Variants in FILIP1L observed in about 807,000 individuals in gnomAD.
FILIP1L encodes filamin A-interacting protein 1-like.
In FILIP1L, 55 loss-of-function variants were observed where a neutral mutation model predicts 96.6. The observed-to-expected ratio is 0.57, with a 90% CI of 0.46 to 0.71. FILIP1L has a LOEUF of 0.71. Among genes scored for constraint, FILIP1L ranks in the 30% least tolerant of loss-of-function variants. The pLI, the probability that FILIP1L is intolerant of heterozygous loss-of-function variation, is 0.00. For synonymous variants in FILIP1L, 467 were observed against 473.9 expected, an observed-to-expected ratio of 0.99 and a Z score of 0.19; for missense variants, 1,304 against 1,321.2, an observed-to-expected ratio of 0.99 and a Z score of 0.20.
At chr3:99,879,528 C>T (rs1283861197) in intron 4 of FILIP1L, among the ~76,000 whole-genome samples, 1 of 152,122 alleles carries the variant, frequency 6.6e-6, no homozygotes, top group Admixed American at 6.5e-5. Flanking sequence ...GTCTTCTCTC[C>T]CTGCCTTTGT....
intron 1 of FILIP1L, among the ~76,000 whole-genome samples, chr3:100,016,351 A>C (rs371564274): frequency 6.6e-6 from 1 of 152,104 alleles, no homozygotes; most frequent in Non-Finnish European, 1.5e-5. Flanking sequence ...CGCACCACAC[A>C]CAGCTAATTT....
rs140976409 is a variant in FILIP1L, at chr3:99,997,031, C to T, written c.-10-66001G>A. Among the ~76,000 whole-genome samples the T allele has an allele frequency of 3.6e-3, 554 of 152,228 alleles. 2 individuals are homozygous for T. The highest frequency in any genetic ancestry group is 6.8e-3 in the Middle Eastern group (2 of 294). On this transcript the variant is annotated intron_variant, in intron 1 of 5. Transcript: ENST00000477258. ...AATGGAAAGTTTATAGCATTAAATG[C>T]GTACATCAATAAAATATCTGAAATT...
intron 1 of FILIP1L, among the ~76,000 whole-genome samples, chr3:99,995,847 C>T (rs1709662806): frequency 6.6e-6 from 1 of 152,182 alleles, no homozygotes; most frequent in Admixed American, 6.5e-5. Flanking sequence ...GCACCAAGTC[C>T]CTGGGCTGCA....
Position 100,011,602 on chromosome 3 carries a change from A to G in FILIP1L, c.-10-80572T>C, listed in dbSNP as rs1341236090. The G allele has an allele frequency of 2.2e-4, 34 of 152,190 alleles. 1 individual carries two copies. Among genetic ancestry groups the G allele is most frequent in the Admixed American group, 2.2e-3 (33 of 15,266 alleles). The allele number at this position is 152,190 out of a possible 1,614,324, so 9.4% of individuals were successfully genotyped here. ...GCACTTATTGTTGCTGATTGAGAGAAGACTCACAATTCTTGAATATTGGAT... is the reference window on the plus strand; with the variant it reads ...GCACTTATTGTTGCTGATTGAGAGAGGACTCACAATTCTTGAATATTGGAT... On this transcript the variant is annotated intron_variant, in intron 1 of 5. Coordinates refer to ENST00000477258, the MANE Select transcript of FILIP1L (RefSeq NM_001387850.1).
intron 1 of FILIP1L, among the ~76,000 whole-genome samples, chr3:100,096,470 G>A (rs1441407588): frequency 1.3e-5 from 2 of 152,190 alleles, no homozygotes; most frequent in African/African-American, 4.8e-5. Flanking sequence ...CAACATGGAT[G>A]GAACTGGAGG....
At chr3:99,938,021 C>T (rs999974820) in intron 1 of FILIP1L, among the ~76,000 whole-genome samples, 6 of 151,938 alleles carry the variant, frequency 3.9e-5, no homozygotes, top group Non-Finnish European at 4.4e-5. Context: ...AATTTCAGGG[C>T]AGCACTGGTG....
intron 4 of FILIP1L, among the ~76,000 whole-genome samples, chr3:99,906,111 T>C (rs1706607661): frequency 6.6e-6 from 1 of 152,118 alleles, no homozygotes; most frequent in Non-Finnish European, 1.5e-5. Flanking sequence ...GGAGGATCGC[T>C]TGAGCCCAGG....
At chr3:99,981,898 G>A (rs1709135612) in intron 1 of FILIP1L, among the ~76,000 whole-genome samples, 1 of 152,182 alleles carries the variant, frequency 6.6e-6, no homozygotes, top group African/African-American at 2.4e-5. Flanking sequence ...CAGCAAGGCG[G>A]GAGGATCGCT....
At chr3:99,994,682 G>A (rs1402160696) in intron 1 of FILIP1L, among the ~76,000 whole-genome samples, 1 of 152,138 alleles carries the variant, frequency 6.6e-6, no homozygotes, top group African/African-American at 2.4e-5. Context: ...ACATACCTGA[G>A]ACTGGAAAGA....
chr3:99,894,840 T>C (rs182119739), intron 4 of FILIP1L, among the ~76,000 whole-genome samples: 2 of 152,344 alleles, frequency 1.3e-5, no homozygotes, highest in East Asian at 3.9e-4. Context: ...ATTATTACAG[T>C]ACGGAGTAGA....
intron 1 of FILIP1L, among the ~76,000 whole-genome samples, chr3:99,943,305 A>T (rs1707906576): frequency 6.6e-6 from 1 of 152,194 alleles, no homozygotes; most frequent in Non-Finnish European, 1.5e-5. Context: ...GTCAGCCCTG[A>T]CACTTTTTCA....
chr3:100,106,176 T>G (rs762529967), intron 1 of FILIP1L, among the ~76,000 whole-genome samples: 2 of 151,712 alleles, frequency 1.3e-5, no homozygotes, highest in Non-Finnish European at 2.9e-5. Context: ...TCAGAAGAGG[T>G]TGACTTATCA....
intron 1 of FILIP1L, chr3:100,023,185 C>T (rs1256651083): frequency 6.6e-6 from 1 of 151,910 alleles, no homozygotes; most frequent in Non-Finnish European, 1.5e-5. Flanking sequence ...TGTAGATGGA[C>T]GTTGTGTGTA....
chr3:100,028,256 T>C (rs1241881395), intron 1 of FILIP1L, among the ~76,000 whole-genome samples: 1 of 152,186 alleles, frequency 6.6e-6, no homozygotes, highest in African/African-American at 2.4e-5. Context: ...AGCTAAGTAA[T>C]TTGCCTGAAG....
intron 1 of FILIP1L, among the ~76,000 whole-genome samples, chr3:99,938,196 AC>A (rs1243588943): frequency 2.6e-5 from 4 of 152,164 alleles, no homozygotes; most frequent in African/African-American, 9.7e-5. Context: ...GATCATAAAT[AC>A]CCTGATCTGC....
chr3:99,894,997 A>G (rs1335035542), intron 4 of FILIP1L, among the ~76,000 whole-genome samples: 1 of 152,166 alleles, frequency 6.6e-6, no homozygotes, highest in Non-Finnish European at 1.5e-5. Context: ...TTCCAGGTGA[A>G]TACCTCCCTG....
chr3:99,848,293 A>T lies in FILIP1L; in HGVS notation c.3381+2T>A. ...GCGTGGTCAGTTATATATATTACTT[A>T]CTGTAATTTGTGATTGTCGAGGAAG... is the stretch of plus-strand genomic sequence containing the variant. On this transcript the variant is annotated splice_donor_variant, in intron 5 of 5. Transcript: ENST00000477258. LOFTEE classifies it high-confidence loss of function. 1.2e-6 allele frequency: 2 copies of T among 1,613,904 alleles called. No homozygotes were observed. The highest frequency in any genetic ancestry group is 8.5e-7 in the Non-Finnish European group (1 of 1,179,878).
chr3:100,074,671 T>G (rs1036740300), intron 1 of FILIP1L, among the ~76,000 whole-genome samples: 2 of 136,484 alleles, frequency 1.5e-5, no homozygotes, highest in African/African-American at 2.7e-5. Flanking sequence ...ATGTGCAACA[T>G]TTGATTTTTT....
chr3:99,850,627 TC>T lies in FILIP1L; in HGVS notation c.1048del (p.Glu350SerfsTer5). 2 of 1,614,024 alleles carry T rather than the reference TC, an allele frequency of 1.2e-6. No individual in the cohort carries two copies. Among genetic ancestry groups the T allele is most frequent in the Non-Finnish European group, 1.7e-6 (2 of 1,180,018 alleles). On this transcript the variant is annotated frameshift_variant, in exon 5 of 6. Transcript: ENST00000477258. LOFTEE classifies it high-confidence loss of function. ...GATTTTTTCTTTTATATCTTGCAGC[TC>T]CTCTTCTGCTTTTCGTAAAGACCTG... Reference protein sequence around the residue: ...TNRSLRKAEEELQDIKEKISK... With the variant: ...TNRSLRKAEEXLQDIKEKISK...
Sources: allele counts gnomAD v4.1 joint callset (sites outside exome capture counted in the v4.1 genomes callset), GRCh38; gene constraint gnomAD v4.1.1; transcripts MANE v1.5; gene names NCBI Gene and HGNC (gene_info 2026-07-23, HGNC 2026-07-21).